The following FAM117B variants were observed in gnomAD, a reference collection of about 807,000 sequenced individuals.
The protein encoded by FAM117B is protein FAM117B.
FAM117B carries 22 observed loss-of-function variants against 52.8 expected under a neutral mutation model. The ratio of observed to expected loss-of-function variants is 0.42; its 90% confidence interval spans 0.30 to 0.59. The LOEUF is 0.59. Ranked by LOEUF, FAM117B falls within the 20% of genes least tolerant of loss-of-function variation. The pLI is 0.22. For synonymous variants in FAM117B, 309 were observed against 324.1 expected (o/e 0.95, Z 0.50); for missense variants, 678 against 802.6 (o/e 0.84, Z 1.88).
At chr2:202,765,345 C>A in intron 7 of FAM117B, 101 bp from the exon 8 acceptor site, 1 of 1,152,974 alleles carries the variant, frequency 8.7e-7, no homozygotes, top group Non-Finnish European at 1.2e-6. Context: ...TGTAAGTTAA[C>A]TGTTTTTAAA....
At chr2:202,745,060 T>TCA (rs111485987) in intron 4 of FAM117B, among the ~76,000 whole-genome samples, 73,781 of 147,550 alleles carry the variant, frequency 0.5, 18,918 homozygotes, top group Middle Eastern at 0.63. Context: ...GGCAGGCAGA[T>TCA]CTTGTGGTCA....
At chr2:202,697,594 A>G (rs1157863206) in intron 2 of FAM117B, among the ~76,000 whole-genome samples, 1 of 145,908 alleles carries the variant, frequency 6.9e-6, no homozygotes, top group African/African-American at 2.6e-5. Context: ...TGTGTCGCCC[A>G]GGCTGGAGTG....
At chr2:202,642,753 A>C (rs550570685) in intron 1 of FAM117B, among the ~76,000 whole-genome samples, 1 of 152,336 alleles carries the variant, frequency 6.6e-6, no homozygotes, top group South Asian at 2.1e-4. Flanking sequence ...CATGTACATC[A>C]TGCTAGGCAT....
At chr2:202,714,575 G>A (rs1429796283) in intron 2 of FAM117B, among the ~76,000 whole-genome samples, 33 of 122,612 alleles carry the variant, frequency 2.7e-4, no homozygotes, top group Admixed American at 1.6e-3. Context: ...GGTGTTTCTC[G>A]CAGAGGGGGA....
chr2:202,733,586 T>C (rs1476461918), intron 4 of FAM117B, among the ~76,000 whole-genome samples: 1 of 152,192 alleles, frequency 6.6e-6, no homozygotes, highest in Non-Finnish European at 1.5e-5. Flanking sequence ...TTCAGTGATA[T>C]CTCTCCTACT....
At position 202,736,790 on chromosome 2, in the gene FAM117B, A is replaced by G. The variant is rs539507002; in HGVS notation, c.960+10427A>G. On this transcript the variant is annotated intron_variant, in intron 4 of 7. Transcript: ENST00000392238. ...TCCATCAATCAGCAATCAGCCAATC[A>G]TCAGTTTTCACCTCCCTTTGGTTGT... Among the ~76,000 whole-genome samples, 5 of 152,206 alleles carry G rather than the reference A, an allele frequency of 3.3e-5. No individual in the cohort carries two copies. In the South Asian group the frequency reaches 1.0e-3, roughly 32 times the overall value.
chr2:202,755,597 C>T lies in FAM117B; in HGVS notation c.1020C>T (p.Ser340=). ...PVIPITKSTG[S]RFRNSVEGLN... is the part of the protein sequence containing the mutation. ...TTCCCATCACCAAATCAACAGGCTC[C>T]CGGTTCCGGAATAGCGTGGAAGGAT... Residue 340 remains serine (S), a synonymous_variant, in exon 5 of 8, where the codon TCC becomes TCT. Coordinates refer to ENST00000392238, the MANE Select transcript of FAM117B (RefSeq NM_173511.4). The T allele has an allele frequency of 1.9e-6, 3 of 1,614,024 alleles. No individual in the cohort carries two copies. In the South Asian group the frequency reaches 3.3e-5, roughly 18 times the overall value.
chr2:202,705,310 G>GA (rs1000003098), intron 2 of FAM117B, among the ~76,000 whole-genome samples: 96 of 138,852 alleles, frequency 6.9e-4, no homozygotes, highest in Admixed American at 1.6e-3. Context: ...TCATCTCAAA[G>GA]AAAAAAAAAA....
At chr2:202,753,355 T>C (rs1229914720) in intron 4 of FAM117B, among the ~76,000 whole-genome samples, 1 of 152,128 alleles carries the variant, frequency 6.6e-6, no homozygotes. Context: ...TTATACCTTA[T>C]ACAAAAATTA....
intron 1 of FAM117B, among the ~76,000 whole-genome samples, chr2:202,665,964 A>G (rs1690199705): frequency 6.6e-6 from 1 of 152,240 alleles, no homozygotes; most frequent in African/African-American, 2.4e-5. Context: ...AGAAACTAAT[A>G]CAAACCATTC....
chr2:202,703,924 T>C (rs1690834367), intron 2 of FAM117B, among the ~76,000 whole-genome samples: 1 of 152,204 alleles, frequency 6.6e-6, no homozygotes, highest in African/African-American at 2.4e-5. Context: ...TCATTTTCTA[T>C]CCCCATGTAT....
chr2:202,715,706 G>A (rs555509116), intron 2 of FAM117B, among the ~76,000 whole-genome samples: 50 of 152,302 alleles, frequency 3.3e-4, no homozygotes, highest in Admixed American at 2.5e-3. Flanking sequence ...CTGCAATCTC[G>A]GCACTTTGGG....
At chr2:202,675,491 A>C (rs1036987141) in intron 1 of FAM117B, among the ~76,000 whole-genome samples, 1 of 149,268 alleles carries the variant, frequency 6.7e-6, no homozygotes, top group Non-Finnish European at 1.5e-5. Flanking sequence ...CCTCTCTCAG[A>C]AAACCTCTGC....
intron 4 of FAM117B, among the ~76,000 whole-genome samples, chr2:202,751,204 G>C (rs752324604): frequency 6.6e-6 from 1 of 152,130 alleles, no homozygotes; most frequent in Non-Finnish European, 1.5e-5. Context: ...AGATCACTCT[G>C]TGTTACTTGA....
chr2:202,712,419 C>CT (rs1186703318), intron 2 of FAM117B, among the ~76,000 whole-genome samples: 9,541 of 89,386 alleles, frequency 0.11, 545 homozygotes, highest in African/African-American at 0.22. Context: ...TATCAGCTCT[C>CT]TTTTTTTTTT....
intron 2 of FAM117B, among the ~76,000 whole-genome samples, chr2:202,712,891 C>T (rs977879226): frequency 1.3e-5 from 2 of 152,074 alleles, no homozygotes; most frequent in East Asian, 3.9e-4. Flanking sequence ...GGATAAATTC[C>T]ATTTGGTCAT....
At chr2:202,644,471 T>C (rs1398084316) in intron 1 of FAM117B, among the ~76,000 whole-genome samples, 1 of 152,208 alleles carries the variant, frequency 6.6e-6, no homozygotes, top group Admixed American at 6.5e-5. Context: ...CATCCTCATA[T>C]TCCAAATTAG....
In FAM117B at chr2:202,646,137, C is replaced by G. The variant is rs143514740; in HGVS notation, c.601+10349C>G. 8.5e-3 allele frequency among the ~76,000 whole-genome samples: 1,286 copies of G among 151,932 alleles called. 24 individuals are homozygous for G. The highest frequency in any genetic ancestry group is 0.029 in the African/African-American group (1,215 of 41,428). The stretch of plus-strand genomic sequence containing the variant: ...CGCCTCCCGGGTTCAAGCAATTCTC[C>G]CACCTCAGCCCCCTGAGTAGCTGCG... On this transcript the variant is annotated intron_variant, in intron 1 of 7. Transcript: ENST00000392238.
chr2:202,718,158 C>T (rs531629584), intron 2 of FAM117B, among the ~76,000 whole-genome samples: 45 of 152,014 alleles, frequency 3.0e-4, no homozygotes, highest in Non-Finnish European at 4.7e-4. Context: ...TGCTGCCTGG[C>T]GTGGAACTCA....
Sources: allele counts gnomAD v4.1 joint callset (sites outside exome capture counted in the v4.1 genomes callset), GRCh38; gene constraint gnomAD v4.1.1; transcripts MANE v1.5; gene names NCBI Gene and HGNC (gene_info 2026-07-23, HGNC 2026-07-21).